Variants in AGPAT2 observed in about 807,000 individuals in gnomAD.
AGPAT2 encodes 1-acylglycerol-3-phosphate O-acyltransferase 2, also known as 1-acyl-sn-glycerol-3-phosphate acyltransferase beta.
In AGPAT2, 18 loss-of-function variants were observed where a neutral mutation model predicts 26.1. The observed-to-expected ratio is 0.69, with a 90% CI of 0.48 to 1.02. The LOEUF is 1.02. AGPAT2 is among the 50% of genes least tolerant of loss of function. The probability of loss-of-function intolerance (pLI) is 0.00; values close to 1 mark genes in which losing one functional copy is unlikely to be tolerated. For synonymous variants in AGPAT2, 200 were observed against 174.2 expected, an observed-to-expected ratio of 1.15 and a Z score of -1.16; for missense variants, 415 against 394.9, an observed-to-expected ratio of 1.05 and a Z score of -0.43.
chr9:136,684,522 G>T (rs568335650), intron 1 of AGPAT2, among the ~76,000 whole-genome samples: 1 of 150,838 alleles, frequency 6.6e-6, no homozygotes, highest in Admixed American at 6.6e-5. Flanking sequence ...CGGTGTAGAC[G>T]GTGGGGGTCT....
chr9:136,684,650 C>G (rs7872526), intron 1 of AGPAT2, among the ~76,000 whole-genome samples: 2,159 of 152,276 alleles, frequency 0.014, 59 homozygotes, highest in African/African-American at 0.05. Flanking sequence ...GGCTGCCTCA[C>G]CAGCCCCAAG....
chr9:136,680,563 A>T (rs1263696870), intron 1 of AGPAT2, among the ~76,000 whole-genome samples: 1 of 152,038 alleles, frequency 6.6e-6, no homozygotes, highest in Non-Finnish European at 1.5e-5. Context: ...CATCTTGGTG[A>T]TGTAAGATGT....
intron 2 of AGPAT2, 71 bp downstream of exon 2, chr9:136,677,352 C>T: frequency 6.2e-7 from 1 of 1,609,106 alleles, no homozygotes; most frequent in Non-Finnish European, 8.5e-7. Flanking sequence ...TCCCCGGGAC[C>T]CAGCCCCACA....
chr9:136,684,857 C>T (rs941545474), intron 1 of AGPAT2, among the ~76,000 whole-genome samples: 2 of 152,208 alleles, frequency 1.3e-5, no homozygotes, highest in Non-Finnish European at 2.9e-5. Flanking sequence ...GCACCCGTGG[C>T]GTACAGCAGG....
At chr9:136,681,466 C>G (rs1225374550) in intron 1 of AGPAT2, among the ~76,000 whole-genome samples, 1 of 152,222 alleles carries the variant, frequency 6.6e-6, no homozygotes, top group East Asian at 1.9e-4. Flanking sequence ...GTACATAGTT[C>G]AGAGCTTTCT....
In AGPAT2 at chr9:136,675,387, G is replaced by GCA. The variant is rs1846077948; in HGVS notation, c.589-581_589-580insTG. The stretch of plus-strand genomic sequence containing the variant: ...GGGCCAGCAGGTAGGCTGGGGACTG[G>GCA]GAGCAGGGAGGGAGGGGGCCAGCAG... On this transcript the variant is annotated intron_variant, in intron 4 of 5. Coordinates refer to ENST00000371696, the MANE Select transcript of AGPAT2 (RefSeq NM_006412.4). Among the ~76,000 whole-genome samples, 3 of 99,294 alleles carry GCA rather than the reference G, an allele frequency of 3.0e-5. 1 individual carries two copies. The highest frequency in any genetic ancestry group is 1.0e-4 in the African/African-American group (3 of 29,602). The allele number at this position is 99,294 out of a possible 152,430, so 65.1% of individuals were successfully genotyped here. A position where few individuals can be genotyped will look rare whatever the true frequency, so the allele number is the denominator to read the frequency against.
rs567964604 is a variant in AGPAT2, at chr9:136,673,551, C to T, written c.*201G>A. The T allele has an allele frequency of 2.0e-6, 1 of 502,644 alleles. No homozygotes were observed. Among genetic ancestry groups the T allele is most frequent in the East Asian group, 3.5e-5 (1 of 28,408 alleles). The allele number at this position is 502,644 out of a possible 1,614,324, so 31.1% of individuals were successfully genotyped here. A position where few individuals can be genotyped will look rare whatever the true frequency, so the allele number is the denominator to read the frequency against. ...CCCTGCCCTCGAGCCCGGGGAGGGT[C>T]CAGCTGAGCCCCCTGCAGGGGACAC... On this transcript the variant is annotated 3_prime_UTR_variant, in exon 6 of 6. Coordinates refer to ENST00000371696, the MANE Select transcript of AGPAT2 (RefSeq NM_006412.4).
rs1187808090 is a variant in AGPAT2, at chr9:136,676,687, G to A, written c.493-7C>T. ...GATAGATCCACACTTTGAGCTGCAG[G>A]GAGAGGAGAGCCTGGACTGACCTCA... On this transcript the variant is annotated splice_polypyrimidine_tract_variant and splice_region_variant and intron_variant, in intron 3 of 5. Transcript: ENST00000371696. 4 of 1,612,746 alleles carry A rather than the reference G, an allele frequency of 2.5e-6. No individual in the cohort carries two copies. The highest frequency in any genetic ancestry group is 1.3e-5 in the African/African-American group (1 of 74,912).
chr9:136,677,258 G>A (rs985240029), intron 2 of AGPAT2, 122 bp from the exon 3 acceptor site: 160 of 1,491,368 alleles, frequency 1.1e-4, no homozygotes, highest in Non-Finnish European at 1.3e-4. Flanking sequence ...TGGACGGGTC[G>A]TGTGGCCTCC....
At chr9:136,685,516 G>A (rs1032246100) in intron 1 of AGPAT2, among the ~76,000 whole-genome samples, 15 of 152,222 alleles carry the variant, frequency 9.9e-5, no homozygotes, top group Non-Finnish European at 1.9e-4. Context: ...GAAGAGGCCC[G>A]TGGCCTGTGG....
chr9:136,676,326 G>A (rs1406947690), intron 4 of AGPAT2, among the ~76,000 whole-genome samples: 1 of 152,180 alleles, frequency 6.6e-6, no homozygotes, highest in Non-Finnish European at 1.5e-5. Flanking sequence ...CAGCCTCGCA[G>A]GCCAAGCACT....
Position 136,677,048 on chromosome 9 carries a change from G to T in AGPAT2, c.405C>A (p.Leu135=), listed in dbSNP as rs375478547. The T allele has an allele frequency of 3.7e-6, 6 of 1,613,076 alleles. No individual in the cohort carries two copies. The highest frequency in any genetic ancestry group is 5.1e-6 in the Non-Finnish European group (6 of 1,179,968). ...FLGPVGLIMY[L]GGVFFINRQR... Reference sequence around the variant, plus strand: ...GCCGGTTGATGAAGAAGACGCCCCCGAGGTACATGATGAGGCCCACGGGCC... The same window carrying T: ...GCCGGTTGATGAAGAAGACGCCCCCTAGGTACATGATGAGGCCCACGGGCC... The change falls in exon 3 of 6, where the codon CTC becomes CTA. Residue 135 remains leucine (L), a synonymous_variant. Coordinates refer to ENST00000371696, the MANE Select transcript of AGPAT2 (RefSeq NM_006412.4).
rs768585710 is a variant in AGPAT2, at chr9:136,673,800, G to T, written c.789C>A (p.Pro263=). The T allele has an allele frequency of 3.7e-6, 6 of 1,606,094 alleles. No homozygotes were observed. Among genetic ancestry groups the T allele is most frequent in the Non-Finnish European group, 5.1e-6 (6 of 1,177,974 alleles). Residue 263 remains proline (P), a synonymous_variant, in exon 6 of 6, where the codon CCC becomes CCA. Transcript: ENST00000371696. ...RTTFLHISKT[P]QENGATAGSG... ...ACCCCGCAGTGGCCCCGTTCTCCTGGGGGGTCTTGGAGATGTGGAGGAAGG... is the reference window on the plus strand; with the variant it reads ...ACCCCGCAGTGGCCCCGTTCTCCTGTGGGGTCTTGGAGATGTGGAGGAAGG...
intron 1 of AGPAT2, among the ~76,000 whole-genome samples, chr9:136,685,775 AG>A (rs200649129): frequency 2.0e-5 from 3 of 152,038 alleles, no homozygotes; most frequent in Admixed American, 2.0e-4. Flanking sequence ...CCAGGGGCTG[AG>A]GGGGGCCCCT....
chr9:136,680,643 C>T (rs1846147439), intron 1 of AGPAT2, among the ~76,000 whole-genome samples: 1 of 152,082 alleles, frequency 6.6e-6, no homozygotes, highest in Non-Finnish European at 1.5e-5. Flanking sequence ...CTCTGTAAAT[C>T]TGAAATTATT....
At chr9:136,684,315 C>G (rs562792618) in intron 1 of AGPAT2, among the ~76,000 whole-genome samples, 1 of 152,322 alleles carries the variant, frequency 6.6e-6, no homozygotes, top group South Asian at 2.1e-4. Flanking sequence ...TTTCCTCTGT[C>G]GAATGGATGT....
At position 136,673,621 on chromosome 9, in the gene AGPAT2, T is replaced by C; in HGVS notation, c.*131A>G. 1 of 1,073,256 alleles carries C rather than the reference T, an allele frequency of 9.3e-7. No homozygotes were observed. Among genetic ancestry groups the C allele is most frequent in the Non-Finnish European group, 1.3e-6 (1 of 784,188 alleles). 66.5% of individuals were successfully genotyped at this position (1,073,256 alleles called of 1,614,324 possible). On this transcript the variant is annotated 3_prime_UTR_variant, in exon 6 of 6. Coordinates refer to ENST00000371696, the MANE Select transcript of AGPAT2 (RefSeq NM_006412.4). ...CCAGTGACAGAAGGGGCTTCCTGCT[T>C]CCCGGGCTGAGTGAGAGCTGGGGGA...
At chr9:136,682,687 C>G (rs777166523) in intron 1 of AGPAT2, among the ~76,000 whole-genome samples, 1 of 152,206 alleles carries the variant, frequency 6.6e-6, no homozygotes, top group Non-Finnish European at 1.5e-5. Context: ...CTGGTGGCAT[C>G]GGAGCAGTGG....
chr9:136,681,118 T>A (rs74409571), intron 1 of AGPAT2, among the ~76,000 whole-genome samples: 74 of 150,446 alleles, frequency 4.9e-4, no homozygotes, highest in Admixed American at 8.6e-4. Context: ...TTTTTTTTTT[T>A]AATCTAAGCT....
Sources: allele counts gnomAD v4.1 joint callset (sites outside exome capture counted in the v4.1 genomes callset), GRCh38; gene constraint gnomAD v4.1.1; transcripts MANE v1.5; gene names NCBI Gene and HGNC (gene_info 2026-07-23, HGNC 2026-07-21).